GLIS3: variants seen among roughly 807,000 people sequenced by gnomAD.
GLIS3 encodes GLIS family zinc finger 3.
A neutral mutation model predicts 78.6 loss-of-function variants in GLIS3; 53 were observed. The ratio of observed to expected loss-of-function variants is 0.67; its 90% CI spans 0.54 to 0.85. GLIS3 has a LOEUF of 0.85. Among genes scored for constraint, GLIS3 ranks in the 40% least tolerant of loss-of-function variants. GLIS3 has a pLI of 0.00. For synonymous variants in GLIS3, 684 were observed against 509.9 expected (o/e 1.34, Z -4.60); for missense variants, 1,703 against 1,231.1 (o/e 1.38, Z -5.74).
chr9:4,357,813 T>G, the GLIS3 span, among the ~76,000 whole-genome samples: 2 of 152,124 alleles, frequency 1.3e-5, no homozygotes, highest in African/African-American at 2.4e-5. Flanking sequence ...GCCACCACAT[T>G]GCATAGTGTC....
At chr9:4,401,161 C>A in the GLIS3 span, among the ~76,000 whole-genome samples, 1 of 152,300 alleles carries the variant, frequency 6.6e-6, no homozygotes, top group African/African-American at 2.4e-5. Context: ...CTATATCTGT[C>A]CTGGGGCAGT....
At chr9:3,964,678 G>C (rs970138077) in intron 4 of GLIS3, among the ~76,000 whole-genome samples, 27 of 152,294 alleles carry the variant, frequency 1.8e-4, no homozygotes, top group Non-Finnish European at 2.9e-4. Flanking sequence ...TACTGGAAAA[G>C]AGTAAGACAC....
At chr9:4,349,449 C>T (rs547046784), upstream of GLIS3, among the ~76,000 whole-genome samples, 5 of 152,100 alleles carry the variant, frequency 3.3e-5, no homozygotes, top group African/African-American at 4.8e-5. Context: ...AATACCCTCT[C>T]GTAGAGTCTA....
the GLIS3 span, among the ~76,000 whole-genome samples, chr9:4,391,778 T>C: frequency 5.3e-5 from 8 of 152,170 alleles, no homozygotes; most frequent in Non-Finnish European, 7.3e-5. Context: ...TTAATATTCT[T>C]ACAAATGTAC....
chr9:4,352,262 T>C (rs374280754), upstream of GLIS3, among the ~76,000 whole-genome samples: 170 of 152,340 alleles, frequency 1.1e-3, no homozygotes, highest in African/African-American at 3.7e-3. Flanking sequence ...CTAAGTGATT[T>C]TCTCAAAGTC....
In GLIS3 at chr9:4,257,332, G is replaced by A. The variant is rs963002791; in HGVS notation, c.388+28706C>T. On this transcript the variant is annotated intron_variant, in intron 2 of 10. Coordinates refer to ENST00000381971, the MANE Select transcript of GLIS3 (RefSeq NM_001042413.2). ...GAAGCAGAGAGTAGATGAGTGGGGT[G>A]GGGATGTGAGATGCAAGTCAAAGGG... Among the ~76,000 whole-genome samples, 4 of 152,056 alleles carry A rather than the reference G, an allele frequency of 2.6e-5. 1 individual carries two copies. Among genetic ancestry groups the A allele is most frequent in the Non-Finnish European group, 4.4e-5 (3 of 67,998 alleles).
chr9:3,897,600 T>C (rs949722908), intron 7 of GLIS3, among the ~76,000 whole-genome samples: 1 of 152,174 alleles, frequency 6.6e-6, no homozygotes, highest in Non-Finnish European at 1.5e-5. Context: ...GGCTATGTTG[T>C]CCCCAACAGT....
At chr9:4,142,368 G>C (rs1833876195) in intron 2 of GLIS3, among the ~76,000 whole-genome samples, 1 of 152,138 alleles carries the variant, frequency 6.6e-6, no homozygotes, top group South Asian at 2.1e-4. Flanking sequence ...AACAACATAA[G>C]ATTCTATGGT....
At chr9:4,080,462 A>C (rs960319398) in intron 4 of GLIS3, among the ~76,000 whole-genome samples, 1 of 152,178 alleles carries the variant, frequency 6.6e-6, no homozygotes, top group African/African-American at 2.4e-5. Flanking sequence ...AAATTATCAA[A>C]ATTTTAAATA....
intron 2 of GLIS3, among the ~76,000 whole-genome samples, chr9:4,218,395 C>T (rs1388851319): frequency 6.6e-6 from 1 of 152,162 alleles, no homozygotes; most frequent in African/African-American, 2.4e-5. Context: ...TCTCCTGCCT[C>T]AGCCTCCTGA....
intron 2 of GLIS3, among the ~76,000 whole-genome samples, chr9:4,233,361 T>C (rs770923447): frequency 6.6e-6 from 1 of 152,240 alleles, no homozygotes; most frequent in Non-Finnish European, 1.5e-5. Flanking sequence ...AAATTACTCC[T>C]TGATCCTTGG....
the GLIS3 span, among the ~76,000 whole-genome samples, chr9:4,437,420 G>GTATCATC: frequency 1.3e-4 from 17 of 126,928 alleles, no homozygotes; most frequent in Non-Finnish European, 2.5e-4. Context: ...ATGTATGTAT[G>GTATCATC]TATCTATCTA....
chr9:4,376,783 G>A, the GLIS3 span, among the ~76,000 whole-genome samples: 4 of 135,810 alleles, frequency 2.9e-5, 2 homozygotes, highest in Non-Finnish European at 6.6e-5. Context: ...AATACTCAAT[G>A]CTGAAAAGGC....
the GLIS3 span, among the ~76,000 whole-genome samples, chr9:4,485,180 A>C: frequency 4.6e-5 from 7 of 151,814 alleles, no homozygotes; most frequent in Middle Eastern, 3.4e-3. Flanking sequence ...ATGCCCAGCT[A>C]ATTTTTGTAT....
chr9:4,318,169 T>C (rs1587382792), intron 2 of GLIS3, among the ~76,000 whole-genome samples: 1 of 151,942 alleles, frequency 6.6e-6, no homozygotes, highest in Admixed American at 6.6e-5. Flanking sequence ...GCGGGAGAAG[T>C]GGTGGGTGGA....
At chr9:4,439,421 C>T in the GLIS3 span, among the ~76,000 whole-genome samples, 2 of 152,124 alleles carry the variant, frequency 1.3e-5, no homozygotes, top group African/African-American at 2.4e-5. Flanking sequence ...TCTTCTTCTC[C>T]TCCTATCTTC....
At chr9:4,363,218 T>C in the GLIS3 span, among the ~76,000 whole-genome samples, 5 of 151,420 alleles carry the variant, frequency 3.3e-5, no homozygotes, top group Non-Finnish European at 7.4e-5. Context: ...AGGTCAGGAG[T>C]TCAAGACCAG....
At chr9:4,327,033 C>T (rs1817610817) in intron 2 of GLIS3, among the ~76,000 whole-genome samples, 1 of 152,156 alleles carries the variant, frequency 6.6e-6, no homozygotes, top group African/African-American at 2.4e-5. Context: ...GTGGGGTAGA[C>T]AGACATGAAA....
chr9:4,253,391 G>A (rs370052011), intron 2 of GLIS3, among the ~76,000 whole-genome samples: 7 of 152,182 alleles, frequency 4.6e-5, no homozygotes, highest in African/African-American at 1.7e-4. Flanking sequence ...AATTCCCCGT[G>A]GCTTTGTTTA....
Sources: gnomAD v4.1 joint callset for allele counts (sites outside exome capture counted in the v4.1 genomes callset) on GRCh38, gnomAD v4.1.1 for gene constraint, MANE v1.5 for transcripts, NCBI Gene and HGNC (gene_info 2026-07-23, HGNC 2026-07-21) for gene names.